FAT1: variants seen among roughly 807,000 people sequenced by gnomAD.
The protein encoded by FAT1 is FAT atypical cadherin 1, also known as protocadherin Fat 1.
Under a neutral mutation model 329.8 loss-of-function variants are expected in FAT1, and 171 were observed. The observed-to-expected ratio is 0.52, with a 90% CI of 0.46 to 0.59. The LOEUF (loss-of-function observed/expected upper bound fraction) is 0.59. Ranked by LOEUF, FAT1 falls within the 20% of genes least tolerant of loss-of-function variation. The pLI, the probability that FAT1 is intolerant of heterozygous loss-of-function variation, is 0.00. For synonymous variants in FAT1, 2,233 were observed against 2,228.6 expected (o/e 1.00, Z -0.06); for missense variants, 5,672 against 5,774.4 (o/e 0.98, Z 0.57).
chr4:186,610,081 A>G, intron 14 of FAT1, 66 bp from the exon 15 acceptor site: 1 of 924,798 alleles, frequency 1.1e-6, no homozygotes, highest in Non-Finnish European at 1.7e-6. Context: ...CTATGACTGA[A>G]ATAGATGAAT....
chr4:186,625,746 C>A (rs1426006654), intron 9 of FAT1, among the ~76,000 whole-genome samples: 1 of 152,266 alleles, frequency 6.6e-6, no homozygotes, highest in African/African-American at 2.4e-5. Context: ...TTCAGAGGAT[C>A]TGGCATGAGC....
intron 3 of FAT1, among the ~76,000 whole-genome samples, chr4:186,650,855 G>C (rs957810621): frequency 6.6e-6 from 1 of 152,034 alleles, no homozygotes; most frequent in Admixed American, 6.6e-5. Context: ...GTTCAGTGTT[G>C]AAAGAGAGCT....
chr4:186,701,709 C>T (rs551277207), intron 2 of FAT1, among the ~76,000 whole-genome samples: 1 of 152,308 alleles, frequency 6.6e-6, no homozygotes, highest in Non-Finnish European at 1.5e-5. Context: ...CACAGGAGGA[C>T]GTGCAGCAGG....
chr4:186,723,408 C>T (rs1456678467), intron 1 of FAT1, among the ~76,000 whole-genome samples: 1 of 152,232 alleles, frequency 6.6e-6, no homozygotes, highest in East Asian at 1.9e-4. Context: ...AAGGATCGGA[C>T]CCCAGCAATG....
chr4:186,623,496 C>T (rs1313737032), intron 9 of FAT1, among the ~76,000 whole-genome samples: 6 of 152,170 alleles, frequency 3.9e-5, no homozygotes, highest in Non-Finnish European at 8.8e-5. Flanking sequence ...GCTGACCTAC[C>T]ATATTTTATA....
intron 2 of FAT1, among the ~76,000 whole-genome samples, chr4:186,685,951 T>C (rs372250015): frequency 2.0e-5 from 3 of 152,330 alleles, no homozygotes; most frequent in South Asian, 2.1e-4. Context: ...AGTAAATTCA[T>C]CAACCTCAGA....
Position 186,657,385 on chromosome 4 carries a change from A to C in FAT1, c.3580+5914T>G, listed in dbSNP as rs201210184. On this transcript the variant is annotated intron_variant, in intron 3 of 26. Transcript: ENST00000441802. ...GCGAAGTATAAGAAGCCTTACCAAAAAGAGTATATGCCATGTGAGTTCACC... is the reference window on the plus strand; with the variant it reads ...GCGAAGTATAAGAAGCCTTACCAAACAGAGTATATGCCATGTGAGTTCACC... Among the ~76,000 whole-genome samples the C allele has an allele frequency of 2.6e-5, 4 of 152,336 alleles. No individual in the cohort carries two copies. In the East Asian group the frequency reaches 7.7e-4, roughly 29 times the overall value.
At chr4:186,695,579 C>T (rs1177684836) in intron 2 of FAT1, among the ~76,000 whole-genome samples, 1 of 152,028 alleles carries the variant, frequency 6.6e-6, no homozygotes, top group African/African-American at 2.4e-5. Flanking sequence ...AATCTATTTC[C>T]ATTTTAAATT....
chr4:186,592,239 A>T (rs989771950), intron 26 of FAT1, among the ~76,000 whole-genome samples: 2 of 151,578 alleles, frequency 1.3e-5, no homozygotes, highest in Non-Finnish European at 2.9e-5. Flanking sequence ...CACTAAACCA[A>T]ATATGAAAAT....
intron 1 of FAT1, among the ~76,000 whole-genome samples, chr4:186,715,600 G>C (rs1478036492): frequency 1.3e-5 from 2 of 152,198 alleles, no homozygotes; most frequent in Non-Finnish European, 1.5e-5. Flanking sequence ...GAAGCGGGGA[G>C]AGACTCCAAC....
chr4:186,627,051 C>T (rs1740344064), intron 9 of FAT1, among the ~76,000 whole-genome samples: 1 of 100,994 alleles, frequency 9.9e-6, no homozygotes, highest in Non-Finnish European at 1.8e-5. Flanking sequence ...CAACATGGCA[C>T]CTGACACATA....
In FAT1 at chr4:186,611,756, T is replaced by C. The variant is rs942820870; in HGVS notation, c.9483A>G (p.Leu3161=). The change falls in exon 14 of 27, where the codon TTA becomes TTG. Residue 3161 remains leucine (L), a synonymous_variant. Coordinates refer to ENST00000441802, the MANE Select transcript of FAT1 (RefSeq NM_005245.4). ...CATCAGCAGAGTCAATCAGTGAGTATAAAATCTTCCGATTTAATCCTATGA... is the reference window on the plus strand; with the variant it reads ...CATCAGCAGAGTCAATCAGTGAGTACAAAATCTTCCGATTTAATCCTATGA... ...DADAGLNRKI[L]YSLIDSADGQ... The C allele has an allele frequency of 2.5e-6, 4 of 1,574,972 alleles. No individual in the cohort carries two copies. The highest frequency in any genetic ancestry group is 3.5e-6 in the Non-Finnish European group (4 of 1,159,420).
intron 4 of FAT1, among the ~76,000 whole-genome samples, chr4:186,638,989 T>C (rs1740971835): frequency 6.7e-6 from 1 of 149,604 alleles, no homozygotes; most frequent in African/African-American, 2.6e-5. Flanking sequence ...CTGATGTCCA[T>C]GTTACGCTCC....
At position 186,610,634 on chromosome 4, in the gene FAT1, T is replaced by C. The variant is rs1209871816; in HGVS notation, c.9854-619A>G. ...ATAAATTATATAAATATAAATTATA[T>C]AATTTATATAATTTATATAAATATA... On this transcript the variant is annotated intron_variant, in intron 14 of 26. Transcript: ENST00000441802. 5.9e-3 allele frequency among the ~76,000 whole-genome samples: 597 copies of C among 101,176 alleles called. 3 individuals are homozygous for C. The highest frequency in any genetic ancestry group is 0.022 in the African/African-American group (573 of 26,162). 66.4% of individuals were successfully genotyped at this position (101,176 alleles called of 152,430 possible). A position where few individuals can be genotyped will look rare whatever the true frequency, so the allele number is the denominator to read the frequency against.
chr4:186,601,679 T>C (rs1038473378), intron 20 of FAT1: 1 of 328,324 alleles, frequency 3.0e-6, no homozygotes, highest in African/African-American at 2.1e-5. Flanking sequence ...AGATTAAATA[T>C]AAAAATGTTC....
At chr4:186,698,759 G>A (rs546597747) in intron 2 of FAT1, among the ~76,000 whole-genome samples, 12 of 152,216 alleles carry the variant, frequency 7.9e-5, no homozygotes, top group African/African-American at 2.4e-4. Context: ...ATGCGGCTCC[G>A]CCACGGAGAG....
At chr4:186,690,661 G>A (rs1743713203) in intron 2 of FAT1, among the ~76,000 whole-genome samples, 1 of 151,974 alleles carries the variant, frequency 6.6e-6, no homozygotes, top group African/African-American at 2.4e-5. Flanking sequence ...CTGCACTCCA[G>A]CCTGGGCGAC....
chr4:186,644,362 C>T (rs1287027396), intron 3 of FAT1, among the ~76,000 whole-genome samples: 1 of 152,186 alleles, frequency 6.6e-6, no homozygotes, highest in Non-Finnish European at 1.5e-5. Context: ...TGTGTTTCAT[C>T]TTCCTCTTCT....
At chr4:186,716,445 C>T (rs74637239) in intron 1 of FAT1, among the ~76,000 whole-genome samples, 1 of 152,046 alleles carries the variant, frequency 6.6e-6, no homozygotes, top group East Asian at 1.9e-4. Context: ...TTTCTTCCCC[C>T]GAGACAGGGT....
Sources: gnomAD v4.1 joint callset for allele counts (sites outside exome capture counted in the v4.1 genomes callset) on GRCh38, gnomAD v4.1.1 for gene constraint, MANE v1.5 for transcripts, NCBI Gene and HGNC (gene_info 2026-07-23, HGNC 2026-07-21) for gene names.